Variants in HEPH observed in about 807,000 individuals in gnomAD.
HEPH encodes the protein hephaestin.
Under a neutral mutation model 80.8 loss-of-function variants are expected in HEPH, and 69 were observed. The ratio of observed to expected loss-of-function variants is 0.85; its 90% CI spans 0.70 to 1.04. The LOEUF (loss-of-function observed/expected upper bound fraction) is 1.04. HEPH is among the 50% of genes least tolerant of loss of function. The probability of loss-of-function intolerance (pLI) is 0.00; values close to 1 mark genes in which losing one functional copy is unlikely to be tolerated. For synonymous variants in HEPH, 431 were observed against 322.8 expected (o/e 1.34, Z -3.60); for missense variants, 1,115 against 891.3 (o/e 1.25, Z -3.20).
At chrX:66,250,704 G>A (rs1010268480) in intron 15 of HEPH, among the ~76,000 whole-genome samples, 4 of 111,741 alleles carry the variant, frequency 3.6e-5, no homozygotes, top group African/African-American at 6.5e-5. Context: ...TTCACTCAGC[G>A]TAATTCTCTG....
At chrX:66,173,349 A>G (rs755062553) in intron 3 of HEPH, among the ~76,000 whole-genome samples, 2 of 111,983 alleles carry the variant, frequency 1.8e-5, no homozygotes, top group South Asian at 7.5e-4. Flanking sequence ...CTAGCCACAG[A>G]ACTTTTCCAG....
chrX:66,192,408 T>G, intron 7 of HEPH, 110 bp downstream of exon 7: 7 of 873,388 alleles, frequency 8.0e-6, no homozygotes, highest in Non-Finnish European at 1.1e-5. Context: ...CAAATCATTG[T>G]CTGGCTGGGG....
chrX:66,248,366 C>A (rs1335795713), intron 15 of HEPH, among the ~76,000 whole-genome samples: 1 of 112,108 alleles, frequency 8.9e-6, no homozygotes, highest in Non-Finnish European at 1.9e-5. Context: ...TCCAGCATAT[C>A]CACACTGGAT....
Position 66,198,956 on chromosome X carries a change from G to C in HEPH, c.1792G>C (p.Ala598Pro). The C allele has an allele frequency of 2.5e-6, 3 of 1,208,167 alleles. No homozygotes were observed. Among genetic ancestry groups the C allele is most frequent in the Non-Finnish European group, 2.2e-6 (2 of 892,089 alleles). The part of the protein sequence containing the change: ...NKSWYSNANQ[A>P]AAMLDFRLLS... Reference sequence around the variant, plus strand: ...GAGCTGGTACAGCAATGCCAATCAAGCAGCTGCTATGTTGGATTTCCGACT... The same window carrying C: ...GAGCTGGTACAGCAATGCCAATCAACCAGCTGCTATGTTGGATTTCCGACT... Residue 598 changes from alanine to proline, a missense_variant, in exon 11 of 21, where the codon GCA (alanine) becomes CCA (proline). Around this residue, in one of 3 missense-constraint regions of HEPH, gnomAD observed 716 missense variants for 523.5 expected, o/e 1.37. Transcript: ENST00000343002.
chrX:66,190,874 T>C (rs1445106973), intron 6 of HEPH, among the ~76,000 whole-genome samples: 1 of 111,524 alleles, frequency 9.0e-6, no homozygotes, highest in African/African-American at 3.3e-5. Flanking sequence ...AAATATGGAT[T>C]GGGATTAGAG....
chrX:66,199,560 G>T (rs1405375239), intron 11 of HEPH, among the ~76,000 whole-genome samples: 1 of 111,698 alleles, frequency 9.0e-6, no homozygotes, highest in Non-Finnish European at 1.9e-5. Context: ...GCGCCTAATT[G>T]GTACTAGGTA....
rs750426833 is a variant in HEPH, at chrX:66,170,754, G to A, written c.167+17G>A. ...CAGTGACATGTAGGTTTAATTTCTT[G>A]TGGTATTTGAGGGGAAGTTATGGGA... is the stretch of plus-strand genomic sequence containing the variant. On this transcript the variant is annotated intron_variant, in intron 2 of 20. Transcript: ENST00000343002. 8 of 1,193,658 alleles carry A rather than the reference G, an allele frequency of 6.7e-6. No homozygotes were observed. The highest frequency in any genetic ancestry group is 2.2e-5 in the Admixed American group (1 of 44,829).
intron 15 of HEPH, among the ~76,000 whole-genome samples, chrX:66,218,471 G>C (rs900300828): frequency 8.9e-6 from 1 of 111,942 alleles, no homozygotes; most frequent in East Asian, 2.8e-4. Flanking sequence ...CATCAAGATA[G>C]AAATTTAAAA....
intron 15 of HEPH, among the ~76,000 whole-genome samples, chrX:66,218,547 C>T (rs887303202): frequency 1.3e-4 from 14 of 111,668 alleles, no homozygotes; most frequent in African/African-American, 4.6e-4. Context: ...AATAGTGGTG[C>T]AAATGTAGCA....
chrX:66,233,564 AC>A (rs1334729941), intron 15 of HEPH, among the ~76,000 whole-genome samples: 3 of 110,954 alleles, frequency 2.7e-5, no homozygotes, highest in Non-Finnish European at 5.7e-5. Flanking sequence ...CCAATGTTAA[AC>A]TTTTAACTAC....
In HEPH at chrX:66,193,734, G is replaced by A. The variant is rs182288175; in HGVS notation, c.1369+96G>A. 33 of 590,892 alleles carry A rather than the reference G, an allele frequency of 5.6e-5. No individual in the cohort carries two copies. In the African/African-American group the frequency reaches 7.6e-4, roughly 14 times the overall value. 48.7% of individuals were successfully genotyped at this position (590,892 alleles called of 1,213,427 possible). On this transcript the variant is annotated intron_variant, in intron 8 of 20. Transcript: ENST00000343002. ...CCTGGACATCACTTAGGAGCACATTGTAGACCAGCATCTCCCAAAGTGAGT... is the reference window on the plus strand; with the variant it reads ...CCTGGACATCACTTAGGAGCACATTATAGACCAGCATCTCCCAAAGTGAGT...
chrX:66,262,444 G>A (rs955796614), intron 19 of HEPH, among the ~76,000 whole-genome samples: 25 of 111,845 alleles, frequency 2.2e-4, no homozygotes, highest in African/African-American at 7.8e-4. Flanking sequence ...GAGAATGAAA[G>A]GCAGGTTATA....
intron 15 of HEPH, among the ~76,000 whole-genome samples, chrX:66,219,334 A>T (rs2089538103): frequency 8.9e-6 from 1 of 112,032 alleles, no homozygotes; most frequent in Non-Finnish European, 1.9e-5. Context: ...CAGTTTTGTC[A>T]TATTTCTAAC....
rs749957830 is a variant in HEPH at position 66,189,716 on chromosome X, G to A, written c.841G>A (p.Glu281Lys). Reference protein sequence around the residue: ...INGFVFGNLPELNMCAQKRVA... With the variant: ...INGFVFGNLPKLNMCAQKRVA... ...TGGCTTTGTTTTTGGGAATTTACCTGAGCTGAACATGTGTGCACAGAAACG... is the reference window on the plus strand; with the variant it reads ...TGGCTTTGTTTTTGGGAATTTACCTAAGCTGAACATGTGTGCACAGAAACG... The change falls in exon 6 of 21, where the codon GAG becomes AAG. Residue 281 changes from glutamate (E) to lysine (K), a missense_variant. Glu to Lys is a moderately conservative substitution (Grantham distance 56). Coordinates refer to ENST00000343002, the MANE Select transcript of HEPH (RefSeq NM_001367233.3). The A allele has an allele frequency of 9.1e-6, 11 of 1,210,241 alleles. No individual in the cohort carries two copies. The highest frequency in any genetic ancestry group is 2.3e-4 in the Middle Eastern group (1 of 4,347).
rs752945320 is a variant in HEPH at position 66,190,045 on chromosome X, G to A, written c.1063+107G>A. ...GCCATAAATAAGTCCTCCAGTTGAG[G>A]CATCTTGGGATAAAGGATAGCACAC... On this transcript the variant is annotated intron_variant, in intron 6 of 20. Transcript: ENST00000343002. 1.6e-4 allele frequency: 133 copies of A among 837,566 alleles called. No homozygotes were observed. In the Middle Eastern group the frequency reaches 4.2e-3, roughly 27 times the overall value. 69.0% of individuals were successfully genotyped at this position (837,566 alleles called of 1,213,427 possible).
At chrX:66,244,030 G>A (rs763051916) in intron 15 of HEPH, among the ~76,000 whole-genome samples, 1 of 112,048 alleles carries the variant, frequency 8.9e-6, no homozygotes, top group East Asian at 2.8e-4. Context: ...TAGAGTTTCT[G>A]CTGAGAAGTA....
At chrX:66,167,037 C>A (rs956892706) in intron 1 of HEPH, among the ~76,000 whole-genome samples, 7 of 111,791 alleles carry the variant, frequency 6.3e-5, no homozygotes, top group Non-Finnish European at 1.3e-4. Context: ...TTAAGTTAAT[C>A]CCCACAAAAC....
chrX:66,232,603 A>G (rs1166887590), intron 15 of HEPH, among the ~76,000 whole-genome samples: 1 of 111,298 alleles, frequency 9.0e-6, no homozygotes, highest in Non-Finnish European at 1.9e-5. Context: ...GGCATATGAA[A>G]GTTATAATGT....
At chrX:66,257,502 A>T (rs948289971) in intron 17 of HEPH, among the ~76,000 whole-genome samples, 1 of 112,287 alleles carries the variant, frequency 8.9e-6, no homozygotes, top group African/African-American at 3.2e-5. Context: ...CCTTAATACT[A>T]AGAAGGCTAA....
Sources: gnomAD v4.1 joint callset for allele counts (sites outside exome capture counted in the v4.1 genomes callset) on GRCh38, gnomAD v4.1.1 for gene constraint, gnomAD v4.1.1 regional missense constraint, MANE v1.5 for transcripts, NCBI Gene and HGNC (gene_info 2026-07-23, HGNC 2026-07-21) for gene names.